Variants in TGIF1 observed in about 807,000 individuals in gnomAD.
TGIF1 encodes homeobox protein TGIF1.
A neutral mutation model predicts 19.3 loss-of-function variants in TGIF1; 4 were observed. The observed-to-expected ratio is 0.21, with a 90% confidence interval of 0.10 to 0.47. The LOEUF (loss-of-function observed/expected upper bound fraction) is 0.47, where lower values mean the gene tolerates loss of function less well. TGIF1 is among the 20% of genes least tolerant of loss of function. The pLI, the probability that TGIF1 is intolerant of heterozygous loss-of-function variation, is 0.98. For missense variants in TGIF1, 275 were observed against 341.4 expected (o/e 0.81, Z 1.53); for synonymous variants, 122 against 129.3 (o/e 0.94, Z 0.38).
At chr18:3,427,944 T>C (rs1363484254) in intron 2 of TGIF1, among the ~76,000 whole-genome samples, 1 of 152,154 alleles carries the variant, frequency 6.6e-6, no homozygotes, top group Admixed American at 6.5e-5. Context: ...CCAAAAACAA[T>C]CTATGGCTGC....
At chr18:3,452,044 G>C in intron 1 of TGIF1, 1 of 1,613,174 alleles carries the variant, frequency 6.2e-7, no homozygotes, top group Non-Finnish European at 8.5e-7. Flanking sequence ...GGCTCCGGCG[G>C]GGGCGGCTCT....
intron 2 of TGIF1, among the ~76,000 whole-genome samples, chr18:3,421,960 G>A (rs2082403965): frequency 3.3e-5 from 5 of 152,042 alleles, no homozygotes; most frequent in South Asian, 2.1e-4. Context: ...TTGCGAGGCT[G>A]AGGTGAGCAG....
chr18:3,444,134 C>T (rs940447831), intron 2 of TGIF1, among the ~76,000 whole-genome samples: 22 of 149,884 alleles, frequency 1.5e-4, no homozygotes, highest in Admixed American at 4.0e-4. Flanking sequence ...TTAGTACAGA[C>T]GGGTTTCACC....
At chr18:3,448,351 G>T (rs1242594699), upstream of TGIF1, 1 of 1,006,796 alleles carries the variant, frequency 9.9e-7, no homozygotes, top group Non-Finnish European at 1.2e-6. Context: ...ACGAAATAGC[G>T]AGGCGGCCCC....
chr18:3,454,906 C>T (rs1006286910), intron 1 of TGIF1, among the ~76,000 whole-genome samples: 1 of 152,128 alleles, frequency 6.6e-6, no homozygotes, highest in Admixed American at 6.5e-5. Flanking sequence ...AAAAATGTGT[C>T]ACCAAGTCAG....
At chr18:3,449,364 T>C (rs1301019738), upstream of TGIF1, 5 of 985,444 alleles carry the variant, frequency 5.1e-6, no homozygotes, top group East Asian at 4.5e-4. Flanking sequence ...GGCGGAGTCT[T>C]GGTGAGGCAG....
intron 2 of TGIF1, among the ~76,000 whole-genome samples, chr18:3,443,952 T>G (rs2082707195): frequency 6.6e-6 from 1 of 151,248 alleles, no homozygotes; most frequent in South Asian, 2.1e-4. Flanking sequence ...TTTTTTTTTT[T>G]GAGACGGAGT....
chr18:3,413,428 T>G (rs2082294333), intron 1 of TGIF1, among the ~76,000 whole-genome samples: 2 of 152,218 alleles, frequency 1.3e-5, no homozygotes, highest in Non-Finnish European at 2.9e-5. Context: ...CGAATTTTAT[T>G]AAACCTGACA....
upstream of TGIF1, among the ~76,000 whole-genome samples, chr18:3,446,620 C>T (rs2082750982): frequency 6.6e-6 from 1 of 152,178 alleles, no homozygotes; most frequent in Non-Finnish European, 1.5e-5. Flanking sequence ...AGTAGTAGCA[C>T]CAGTTACACT....
chr18:3,436,171 T>C (rs1015837387), intron 2 of TGIF1, among the ~76,000 whole-genome samples: 1 of 152,234 alleles, frequency 6.6e-6, no homozygotes, highest in Admixed American at 6.5e-5. Flanking sequence ...CAGGAATATT[T>C]GTCAATATTT....
rs2143304616 is a variant in TGIF1 at position 3,450,421 on chromosome 18, TC to T, written c.-65del. On this transcript the variant is annotated 5_prime_UTR_variant, in exon 1 of 3. Transcript: ENST00000343820. ...CGGCTGTGAAGGAGACGTTCGCTTA[TC>T]CCCTGTGTCCCCGCTCCTGGCCCCT... The T allele has an allele frequency of 6.4e-7, 1 of 1,550,872 alleles. No homozygotes were observed. The highest frequency in any genetic ancestry group is 2.4e-5 in the East Asian group (1 of 40,902).
upstream of TGIF1, chr18:3,448,517 G>A (rs1274855450): frequency 3.0e-6 from 3 of 988,796 alleles, no homozygotes; most frequent in African/African-American, 1.7e-5. Flanking sequence ...CCCCAGGACC[G>A]CGCTCCCCCC....
chr18:3,433,621 C>G (rs1598871942), intron 2 of TGIF1, among the ~76,000 whole-genome samples: 1 of 152,128 alleles, frequency 6.6e-6, no homozygotes, highest in South Asian at 2.1e-4. Context: ...AGAGAAGTTA[C>G]TAGGGACTGT....
upstream of TGIF1, among the ~76,000 whole-genome samples, chr18:3,445,292 C>T (rs1267884902): frequency 1.3e-5 from 2 of 152,106 alleles, no homozygotes; most frequent in African/African-American, 4.8e-5. Flanking sequence ...GAACAAGTAA[C>T]AATGGAAAAC....
chr18:3,458,179 G>A lies in TGIF1; in HGVS notation c.*239G>A. On this transcript the variant is annotated 3_prime_UTR_variant, in exon 3 of 3. Coordinates refer to ENST00000343820, the MANE Select transcript of TGIF1 (RefSeq NM_003244.4). The stretch of plus-strand genomic sequence containing the variant: ...TGTTTCTTGGTAGATTATTCATAAT[G>A]TGAGATGGTTCCCAATATCATGTGA... 2.0e-6 allele frequency: 1 copy of A among 501,250 alleles called. No individual in the cohort carries two copies. Among genetic ancestry groups the A allele is most frequent in the Non-Finnish European group, 3.5e-6 (1 of 285,810 alleles). The allele number at this position is 501,250 out of a possible 1,614,324, so 31.1% of individuals were successfully genotyped here. A position where few individuals can be genotyped will look rare whatever the true frequency, so the allele number is the denominator to read the frequency against.
chr18:3,449,398 C>A (rs1157355845), upstream of TGIF1: 4 of 985,314 alleles, frequency 4.1e-6, no homozygotes, highest in Non-Finnish European at 4.8e-6. Context: ...CGTCCCCGGG[C>A]AGAGACGTTT....
upstream of TGIF1, among the ~76,000 whole-genome samples, chr18:3,445,176 G>A (rs961154049): frequency 6.6e-6 from 1 of 152,230 alleles, no homozygotes; most frequent in Non-Finnish European, 1.5e-5. Context: ...CAGGTGATCA[G>A]CGAAGACTCC....
rs1247069670 is a variant in TGIF1 at position 3,456,163 on chromosome 18, G to C, written c.17-191G>C. 4.4e-6 allele frequency: 3 copies of C among 684,468 alleles called. No individual in the cohort carries two copies. Among genetic ancestry groups the C allele is most frequent in the East Asian group, 2.5e-5 (1 of 39,780 alleles). The allele number at this position is 684,468 out of a possible 1,614,324, so 42.4% of individuals were successfully genotyped here. A position where few individuals can be genotyped will look rare whatever the true frequency, so the allele number is the denominator to read the frequency against. On this transcript the variant is annotated intron_variant, in intron 1 of 2. Transcript: ENST00000343820. The surrounding 1 kb of genome is among the most constrained non-coding windows in gnomAD (Gnocchi z 4.2). ...GAAAAGGCATCTGGCATTTGGTTGA[G>C]AGCCTCCTATGTGGTGCTAGTCAAA...
chr18:3,449,309 GC>G (rs1568044620), upstream of TGIF1: 1 of 822,582 alleles, frequency 1.2e-6, no homozygotes, highest in Non-Finnish European at 1.5e-6. Flanking sequence ...TCACCCCTTA[GC>G]TATAAAAGTG....
Sources: allele counts gnomAD v4.1 joint callset (sites outside exome capture counted in the v4.1 genomes callset), GRCh38; gene constraint gnomAD v4.1.1; non-coding constraint Gnocchi (gnomAD v3.1); transcripts MANE v1.5; gene names NCBI Gene and HGNC (gene_info 2026-07-23, HGNC 2026-07-21).